PLCB4: variants seen among roughly 807,000 people sequenced by gnomAD.
The protein encoded by PLCB4 is 1-phosphatidylinositol 4,5-bisphosphate phosphodiesterase beta-4.
PLCB4 carries 77 observed loss-of-function variants against 178.8 expected under a neutral mutation model. The ratio of observed to expected loss-of-function variants is 0.43; its 90% CI spans 0.36 to 0.52. The LOEUF (loss-of-function observed/expected upper bound fraction) is 0.52, where lower values mean the gene tolerates loss of function less well. Among genes scored for constraint, PLCB4 ranks in the 20% least tolerant of loss-of-function variants. The pLI is 0.00. For missense variants in PLCB4, 1,024 were observed against 1,453.4 expected (o/e 0.70, Z 4.80); for synonymous variants, 496 against 490.8 (o/e 1.01, Z -0.14).
chr20:9,166,385 G>A (rs555579651), intron 2 of PLCB4: 2 of 152,268 alleles, frequency 1.3e-5, no homozygotes, highest in Non-Finnish European at 1.5e-5. Flanking sequence ...TGTATTTGTT[G>A]TTCGACTTAG....
rs374866508 is a variant in PLCB4 at position 9,199,544 on chromosome 20, G to A, written c.-78-17846G>A. ...TTCTTTCACTCTTGGATCTCAGATG[G>A]TGGGGACACTGAAATCTAGGGGAAG... On this transcript the variant is annotated intron_variant, in intron 2 of 39. Transcript: ENST00000378473. 3.7e-4 allele frequency among the ~76,000 whole-genome samples: 56 copies of A among 152,300 alleles called. 1 individual carries two copies. Among genetic ancestry groups the A allele is most frequent in the African/African-American group, 1.1e-3 (47 of 41,566 alleles).
intron 2 of PLCB4, among the ~76,000 whole-genome samples, chr20:9,116,344 A>G (rs1423955165): frequency 1.3e-5 from 2 of 152,110 alleles, no homozygotes. Flanking sequence ...ATATGTACGT[A>G]TAAGATATAT....
intron 3 of PLCB4, among the ~76,000 whole-genome samples, chr20:9,228,659 T>C (rs1384735044): frequency 6.6e-6 from 1 of 152,148 alleles, no homozygotes; most frequent in African/African-American, 2.4e-5. Context: ...TAGGTACATA[T>C]GTGTGTTTAT....
chr20:9,345,647 T>C (rs1277487369), intron 7 of PLCB4, among the ~76,000 whole-genome samples: 2 of 152,192 alleles, frequency 1.3e-5, no homozygotes, highest in East Asian at 1.9e-4. Context: ...AATGCAAATA[T>C]TGGGATTGAG....
At chr20:9,450,303 C>T (rs1602862327) in intron 32 of PLCB4, among the ~76,000 whole-genome samples, 1 of 152,038 alleles carries the variant, frequency 6.6e-6, no homozygotes, top group African/African-American at 2.4e-5. Context: ...TTCATGCCTC[C>T]TTCATTTTAC....
In PLCB4 at chr20:9,369,628, C is replaced by G. The variant is rs376427204; in HGVS notation, c.504-1586C>G. On this transcript the variant is annotated intron_variant, in intron 9 of 39. Transcript: ENST00000378473. ...TGTCTCAAGAACTCTTAAAAATGTA[C>G]TTCTTGAAGTATTCTTGGACCTGGC... Among the ~76,000 whole-genome samples the G allele has an allele frequency of 3.1e-4, 47 of 152,270 alleles. No homozygotes were observed. In the South Asian group the frequency reaches 3.7e-3, roughly 12 times the overall value.
intron 36 of PLCB4, among the ~76,000 whole-genome samples, chr20:9,469,618 T>A (rs1348956803): frequency 6.6e-6 from 1 of 152,214 alleles, no homozygotes; most frequent in Non-Finnish European, 1.5e-5. Flanking sequence ...TGGTCTCACC[T>A]AGGGTCCCAG....
At chr20:9,272,239 T>C (rs1448926336) in intron 3 of PLCB4, among the ~76,000 whole-genome samples, 3 of 151,696 alleles carry the variant, frequency 2.0e-5, no homozygotes, top group Non-Finnish European at 1.5e-5. Flanking sequence ...GCTAAGAAGG[T>C]ATAACAATTT....
intron 1 of PLCB4, among the ~76,000 whole-genome samples, chr20:9,075,451 T>C (rs766396829): frequency 8.5e-5 from 13 of 152,226 alleles, no homozygotes; most frequent in Non-Finnish European, 1.6e-4. Context: ...AAATCCGAGA[T>C]AGGGAGAGTA....
chr20:9,344,307 G>A (rs1276831057), intron 7 of PLCB4, among the ~76,000 whole-genome samples: 1 of 152,140 alleles, frequency 6.6e-6, no homozygotes, highest in Non-Finnish European at 1.5e-5. Context: ...CTTAGCAGGA[G>A]CTCCCCATTT....
At chr20:9,325,659 A>G (rs981110293) in intron 4 of PLCB4, among the ~76,000 whole-genome samples, 2 of 152,170 alleles carry the variant, frequency 1.3e-5, no homozygotes, top group African/African-American at 4.8e-5. Flanking sequence ...TAACATCTAT[A>G]TCGTCAAGTA....
At chr20:9,259,447 G>A (rs2094273976) in intron 3 of PLCB4, among the ~76,000 whole-genome samples, 2 of 152,094 alleles carry the variant, frequency 1.3e-5, no homozygotes. Context: ...AAGAAATGAA[G>A]AGAAATACAG....
At chr20:9,115,122 A>G (rs1407221915) in intron 2 of PLCB4, among the ~76,000 whole-genome samples, 2 of 152,064 alleles carry the variant, frequency 1.3e-5, no homozygotes, top group African/African-American at 4.8e-5. Context: ...TTCTCTAGTT[A>G]CTTCCTTATT....
chr20:9,199,779 A>C (rs1246908614), intron 2 of PLCB4, among the ~76,000 whole-genome samples: 1 of 151,970 alleles, frequency 6.6e-6, no homozygotes, highest in African/African-American at 2.4e-5. Flanking sequence ...ATTTCAGACA[A>C]TTGTTGCAGC....
chr20:9,462,212 G>A (rs902767300), intron 35 of PLCB4, among the ~76,000 whole-genome samples: 1 of 152,006 alleles, frequency 6.6e-6, no homozygotes, highest in Non-Finnish European at 1.5e-5. Context: ...GAAAGGAATA[G>A]CATCATCATC....
intron 7 of PLCB4, 55 bp downstream of exon 7, chr20:9,339,092 G>A: frequency 7.3e-7 from 1 of 1,371,636 alleles, no homozygotes; most frequent in Non-Finnish European, 1.0e-6. Flanking sequence ...TATGTTGTGT[G>A]TTTAATTTTA....
chr20:9,077,197 GTACTT>G (rs2089910220), intron 1 of PLCB4, among the ~76,000 whole-genome samples: 2 of 152,152 alleles, frequency 1.3e-5, no homozygotes, highest in African/African-American at 4.8e-5. Flanking sequence ...CGGATGTACT[GTACTT>G]TATTTAACCA....
intron 1 of PLCB4, among the ~76,000 whole-genome samples, chr20:9,086,347 C>T (rs2090419907): frequency 6.6e-6 from 1 of 152,082 alleles, no homozygotes; most frequent in African/African-American, 2.4e-5. Flanking sequence ...AGGAACTCCT[C>T]TAGGGACTCT....
intron 4 of PLCB4, among the ~76,000 whole-genome samples, chr20:9,316,324 G>A (rs1327762855): frequency 6.6e-6 from 1 of 152,168 alleles, no homozygotes; most frequent in East Asian, 1.9e-4. Context: ...ACTTAAGTAC[G>A]AGAATAAATG....
Sources: gnomAD v4.1 joint callset for allele counts (sites outside exome capture counted in the v4.1 genomes callset) on GRCh38, gnomAD v4.1.1 for gene constraint, MANE v1.5 for transcripts, NCBI Gene and HGNC (gene_info 2026-07-23, HGNC 2026-07-21) for gene names.